Variants in AGPAT4 observed in about 807,000 individuals in gnomAD.
AGPAT4 encodes the protein 1-acyl-sn-glycerol-3-phosphate acyltransferase delta.
In AGPAT4, 15 loss-of-function variants were observed where a neutral mutation model predicts 48.0. The observed-to-expected ratio is 0.31, with a 90% CI of 0.21 to 0.48. The LOEUF (loss-of-function observed/expected upper bound fraction) is 0.48. AGPAT4 is among the 20% of genes least tolerant of loss of function. The pLI is 0.99. For missense variants in AGPAT4, 314 were observed against 482.5 expected (o/e 0.65, Z 3.27); for synonymous variants, 178 against 198.7 (o/e 0.90, Z 0.88).
At position 161,240,620 on chromosome 6, in the gene AGPAT4, C is replaced by T. The variant is rs961241453; in HGVS notation, c.-89-8318G>A. 3.3e-5 allele frequency among the ~76,000 whole-genome samples: 5 copies of T among 152,180 alleles called. No homozygotes were observed. The highest frequency in any genetic ancestry group is 2.0e-4 in the Admixed American group (3 of 15,284). The stretch of plus-strand genomic sequence containing the variant: ...ATTGTTTCTGAACCAATATTTCGGT[C>T]TCCAGGACACAGAATCCCCAGGTAC... On this transcript the variant is annotated intron_variant, in intron 1 of 8. Transcript: ENST00000320285. The surrounding 1 kb of genome is among the most constrained non-coding windows in gnomAD (Gnocchi z 5.5).
rs573780866 is a variant in AGPAT4 at position 161,171,780 on chromosome 6, G to T, written c.179-5363C>A. ...CTGGGCGTGGTGGCAGGCACCTGTA[G>T]TCCCAGCTACTCGGGAGTCTGAGGC... is the stretch of plus-strand genomic sequence containing the variant. On this transcript the variant is annotated intron_variant, in intron 2 of 8. Coordinates refer to ENST00000320285, the MANE Select transcript of AGPAT4 (RefSeq NM_020133.3). This position sits in a 1 kb window ranked among gnomAD's most constrained non-coding sequence, Gnocchi z 4.4. 3.3e-5 allele frequency among the ~76,000 whole-genome samples: 5 copies of T among 151,780 alleles called. No individual in the cohort carries two copies. In the South Asian group the frequency reaches 1.0e-3, roughly 32 times the overall value.
rs1048798535 is a variant in AGPAT4 at position 161,204,507 on chromosome 6, T to G, written c.178+27529A>C. Among the ~76,000 whole-genome samples the G allele has an allele frequency of 7.2e-5, 11 of 152,168 alleles. No homozygotes were observed. The highest frequency in any genetic ancestry group is 2.7e-4 in the African/African-American group (11 of 41,454). ...TTAGTACCCCCTCCAAAATTCTCCCTTTCCAGCTATATTTATCCTTCAGCT... is the reference window on the plus strand; with the variant it reads ...TTAGTACCCCCTCCAAAATTCTCCCGTTCCAGCTATATTTATCCTTCAGCT... On this transcript the variant is annotated intron_variant, in intron 2 of 8. Coordinates refer to ENST00000320285, the MANE Select transcript of AGPAT4 (RefSeq NM_020133.3). The surrounding 1 kb of genome is among the most constrained non-coding windows in gnomAD (Gnocchi z 4.4).
intron 3 of AGPAT4, among the ~76,000 whole-genome samples, chr6:161,162,574 G>A (rs900323821): frequency 1.3e-5 from 2 of 152,144 alleles, no homozygotes; most frequent in Admixed American, 6.5e-5. Flanking sequence ...CAGATCCCCC[G>A]CTCAGCTGCA....
Position 161,131,153 on chromosome 6 carries a change from T to TA in AGPAT4, c.*5386dup, listed in dbSNP as rs1227446018. On this transcript the variant is annotated 3_prime_UTR_variant, in exon 9 of 9. Coordinates refer to ENST00000320285, the MANE Select transcript of AGPAT4 (RefSeq NM_020133.3). ...TATGTAAAACAAGACTGCCTTGTTT[T>TA]AAAAAAACAAATTAAATGTAAAAAT... The TA allele has an allele frequency of 1.0e-5, 3 of 290,992 alleles. No homozygotes were observed. The highest frequency in any genetic ancestry group is 3.3e-5 in the South Asian group (1 of 29,932). 18.0% of individuals were successfully genotyped at this position (290,992 alleles called of 1,614,324 possible).
chr6:161,209,764 A>G (rs756056963), intron 2 of AGPAT4, among the ~76,000 whole-genome samples: 13 of 152,224 alleles, frequency 8.5e-5, no homozygotes, highest in Non-Finnish European at 1.8e-4. Flanking sequence ...CAGGTGTTCA[A>G]CCGACGTTTG....
intron 1 of AGPAT4, among the ~76,000 whole-genome samples, chr6:161,256,508 G>T (rs530226146): frequency 2.6e-5 from 4 of 152,212 alleles, no homozygotes; most frequent in Admixed American, 6.5e-5. Context: ...CACATTTGCT[G>T]TGTTCACATG....
At chr6:161,250,922 TTTA>T (rs1383473477) in intron 1 of AGPAT4, among the ~76,000 whole-genome samples, 3 of 152,216 alleles carry the variant, frequency 2.0e-5, no homozygotes, top group African/African-American at 7.2e-5. Flanking sequence ...CCATGACTTT[TTTA>T]TTGATTGTGC....
chr6:161,147,698 C>T lies in AGPAT4; in HGVS notation c.768-1099G>A, dbSNP rs948230991. Reference sequence around the variant, plus strand: ...CTGTTCCTACGCACACTGCACTTCTCTGGATCCTCTACTTCTTTGCTGTTT... The same window carrying T: ...CTGTTCCTACGCACACTGCACTTCTTTGGATCCTCTACTTCTTTGCTGTTT... On this transcript the variant is annotated intron_variant, in intron 6 of 8. Transcript: ENST00000320285. This position sits in a 1 kb window ranked among gnomAD's most constrained non-coding sequence, Gnocchi z 4.8. Among the ~76,000 whole-genome samples the T allele has an allele frequency of 6.6e-6, 1 of 152,216 alleles. No homozygotes were observed. The highest frequency in any genetic ancestry group is 2.4e-5 in the African/African-American group (1 of 41,460).
rs188955534 is a variant in AGPAT4, at chr6:161,166,890, G to A, written c.179-473C>T. 2.0e-3 allele frequency among the ~76,000 whole-genome samples: 305 copies of A among 152,272 alleles called. No homozygotes were observed. Among genetic ancestry groups the A allele is most frequent in the Non-Finnish European group, 3.3e-3 (227 of 68,024 alleles). On this transcript the variant is annotated intron_variant, in intron 2 of 8. Transcript: ENST00000320285. The surrounding 1 kb of genome is among the most constrained non-coding windows in gnomAD (Gnocchi z 6.7). ...TGAGGGCAGGGGAAGAATGGAGAAC[G>A]GCAGATCCAGCCGCAGGAGCCCCAG...
rs73786016 is a variant in AGPAT4 at position 161,170,471 on chromosome 6, G to A, written c.179-4054C>T. Among the ~76,000 whole-genome samples, 435 of 113,796 alleles carry A rather than the reference G, an allele frequency of 3.8e-3. 2 individuals carry two copies. The highest frequency in any genetic ancestry group is 0.012 in the African/African-American group (327 of 27,608). The allele number at this position is 113,796 out of a possible 152,430, so 74.7% of individuals were successfully genotyped here. A position where few individuals can be genotyped will look rare whatever the true frequency, so the allele number is the denominator to read the frequency against. On this transcript the variant is annotated intron_variant, in intron 2 of 8. Transcript: ENST00000320285. ...CACATGCGCGTGCACACGTGCGCGC[G>A]CGCACACACACACACACACACACAC...
At position 161,131,183 on chromosome 6, in the gene AGPAT4, T is replaced by A. The variant is rs1218557808; in HGVS notation, c.*5357A>T. On this transcript the variant is annotated 3_prime_UTR_variant, in exon 9 of 9. Transcript: ENST00000320285. Reference sequence around the variant, plus strand: ...AAACAAATTAAATGTAAAAATTGTATGACTCTTACCCAGTGAAAAGCTTTA... The same window carrying A: ...AAACAAATTAAATGTAAAAATTGTAAGACTCTTACCCAGTGAAAAGCTTTA... 3 of 303,540 alleles carry A rather than the reference T, an allele frequency of 9.9e-6. No homozygotes were observed. The highest frequency in any genetic ancestry group is 8.0e-5 in the Admixed American group (2 of 24,888). The allele number at this position is 303,540 out of a possible 1,614,324, so 18.8% of individuals were successfully genotyped here. A position where few individuals can be genotyped will look rare whatever the true frequency, so the allele number is the denominator to read the frequency against.
intron 1 of AGPAT4, among the ~76,000 whole-genome samples, chr6:161,260,431 A>G (rs1250627806): frequency 6.6e-6 from 1 of 152,058 alleles, no homozygotes; most frequent in African/African-American, 2.4e-5. Flanking sequence ...AGGCTGAGGC[A>G]GGCGGATCAC....
chr6:161,186,188 T>C (rs1399330203), intron 2 of AGPAT4, among the ~76,000 whole-genome samples: 1 of 152,104 alleles, frequency 6.6e-6, no homozygotes, highest in Non-Finnish European at 1.5e-5. Context: ...CCCCCATGCC[T>C]CAGTCTCCTG....
At chr6:161,265,533 C>A (rs113260254) in intron 1 of AGPAT4, among the ~76,000 whole-genome samples, 4,892 of 152,226 alleles carry the variant, frequency 0.032, 266 homozygotes, top group African/African-American at 0.11. Context: ...TTAGTACCCA[C>A]TGCTGGACTG....
At chr6:161,263,888 C>A (rs1783174003) in intron 1 of AGPAT4, among the ~76,000 whole-genome samples, 1 of 152,162 alleles carries the variant, frequency 6.6e-6, no homozygotes. Context: ...AAATGCAAGT[C>A]CATGTAATTC....
In AGPAT4 at chr6:161,131,574, T is replaced by TGA. The variant is rs1354372217; in HGVS notation, c.*4964_*4965dup. On this transcript the variant is annotated 3_prime_UTR_variant, in exon 9 of 9. Transcript: ENST00000320285. Reference sequence around the variant, plus strand: ...CACTATTCACTGAGGGCCATGAGGGTGAGGCCCTGCTGGGGGGGCAGGGCA... The same window carrying TGA: ...CACTATTCACTGAGGGCCATGAGGGTGAGAGGCCCTGCTGGGGGGGCAGGGCA... 2.0e-5 allele frequency: 3 copies of TGA among 152,308 alleles called. No homozygotes were observed. The highest frequency in any genetic ancestry group is 4.4e-5 in the Non-Finnish European group (3 of 68,158). The allele number at this position is 152,308 out of a possible 1,614,324, so 9.4% of individuals were successfully genotyped here. A position where few individuals can be genotyped will look rare whatever the true frequency, so the allele number is the denominator to read the frequency against.
Position 161,177,813 on chromosome 6 carries a change from C to T in AGPAT4, c.179-11396G>A, listed in dbSNP as rs946319997. On this transcript the variant is annotated intron_variant, in intron 2 of 8. Coordinates refer to ENST00000320285, the MANE Select transcript of AGPAT4 (RefSeq NM_020133.3). This position sits in a 1 kb window ranked among gnomAD's most constrained non-coding sequence, Gnocchi z 5.0. ...TACCTTTGGTCTTTGATGATGGTGA[C>T]GTACAGATGGAGTTTTAGTGTGGAT... Among the ~76,000 whole-genome samples, 12 of 152,168 alleles carry T rather than the reference C, an allele frequency of 7.9e-5. No homozygotes were observed. The highest frequency in any genetic ancestry group is 2.1e-4 in the South Asian group (1 of 4,830).
At chr6:161,173,989 T>C (rs539927884) in intron 2 of AGPAT4, among the ~76,000 whole-genome samples, 121 of 152,330 alleles carry the variant, frequency 7.9e-4, no homozygotes, top group Non-Finnish European at 1.5e-3. Context: ...GGCTCTGTTC[T>C]GTTCCATTGG....
chr6:161,172,567 C>A (rs1215480465), intron 2 of AGPAT4, among the ~76,000 whole-genome samples: 1 of 152,232 alleles, frequency 6.6e-6, no homozygotes, highest in Non-Finnish European at 1.5e-5. Context: ...GGAAGCCTGC[C>A]ACCCACAGAG....
Sources: gnomAD v4.1 joint callset for allele counts (sites outside exome capture counted in the v4.1 genomes callset) on GRCh38, gnomAD v4.1.1 for gene constraint, Gnocchi (gnomAD v3.1) non-coding constraint, MANE v1.5 for transcripts, NCBI Gene and HGNC (gene_info 2026-07-23, HGNC 2026-07-21) for gene names.